Variants in OLFM1 observed in about 807,000 individuals in gnomAD.
OLFM1 encodes olfactomedin 1, also known as noelin.
OLFM1 carries 9 observed loss-of-function variants against 49.7 expected under a neutral mutation model. That is an observed-to-expected ratio of 0.18 (90% CI 0.11 to 0.32). The LOEUF (loss-of-function observed/expected upper bound fraction) is 0.32, where lower values mean the gene tolerates loss of function less well. Among genes scored for constraint, OLFM1 ranks in the 10% least tolerant of loss-of-function variants. OLFM1 has a pLI of 1.00. For missense variants in OLFM1, 369 were observed against 661.8 expected, an observed-to-expected ratio of 0.56 and a Z score of 4.85; for synonymous variants, 240 against 271.8, an observed-to-expected ratio of 0.88 and a Z score of 1.15.
chr9:135,116,503 T>C (rs1831098100), intron 5 of OLFM1, among the ~76,000 whole-genome samples: 1 of 152,160 alleles, frequency 6.6e-6, no homozygotes, highest in Non-Finnish European at 1.5e-5. Flanking sequence ...AAGGAGGCTC[T>C]GGACCCAGGG....
intron 2 of OLFM1, among the ~76,000 whole-genome samples, chr9:135,093,457 C>T (rs905256183): frequency 2.0e-5 from 3 of 152,170 alleles, no homozygotes; most frequent in Non-Finnish European, 4.4e-5. Flanking sequence ...TTATTCATTT[C>T]CCGGGGTTTT....
intron 2 of OLFM1, among the ~76,000 whole-genome samples, chr9:135,094,492 G>A (rs889009566): frequency 6.6e-6 from 1 of 151,998 alleles, no homozygotes; most frequent in Non-Finnish European, 1.5e-5. Context: ...AGTGACAGAG[G>A]AAGACAACAA....
chr9:135,097,897 C>T lies in OLFM1; in HGVS notation c.457-389C>T, dbSNP rs1248857151. 1.3e-5 allele frequency: 20 copies of T among 1,574,778 alleles called. No homozygotes were observed. The Middle Eastern group carries it at 1.1e-3, about 83-fold the overall frequency. On this transcript the variant is annotated intron_variant, in intron 3 of 5. Coordinates refer to ENST00000371793, the MANE Select transcript of OLFM1 (RefSeq NM_001282611.2). ...CACCATGCATTTTTACTATTATTTT[C>T]CAATACTTAGCACCATTTCACTAAG... is the stretch of plus-strand genomic sequence containing the variant.
At chr9:135,097,988 A>G in intron 3 of OLFM1, 2 of 1,425,472 alleles carry the variant, frequency 1.4e-6, no homozygotes, top group Non-Finnish European at 1.8e-6. Flanking sequence ...GAATAGTTTG[A>G]ACCCTTGTCA....
rs1316220622 is a variant in OLFM1 at position 135,088,422 on chromosome 9, G to T, written c.150+283G>T. Among the ~76,000 whole-genome samples, 2 of 152,020 alleles carry T rather than the reference G, an allele frequency of 1.3e-5. No individual in the cohort carries two copies. The highest frequency in any genetic ancestry group is 2.9e-5 in the Non-Finnish European group (2 of 67,980). On this transcript the variant is annotated intron_variant, in intron 1 of 5. Transcript: ENST00000371793. This position sits in a 1 kb window ranked among gnomAD's most constrained non-coding sequence, Gnocchi z 4.8. ...GCCGCGGGGCCGGGGGAGCTTGGTG[G>T]GTTCTCGGAGGCTTGGAGTCCTGGG...
At chr9:135,084,370 C>T (rs187204716), upstream of OLFM1, among the ~76,000 whole-genome samples, 1 of 148,034 alleles carries the variant, frequency 6.8e-6, no homozygotes, top group East Asian at 2.0e-4. The surrounding 1 kb of genome is among the most constrained non-coding windows in gnomAD (Gnocchi z 4.6). Flanking sequence ...CTCTCCGTCT[C>T]TTCTCTCTCT....
chr9:135,104,871 C>T (rs1450475482), intron 4 of OLFM1, among the ~76,000 whole-genome samples: 2 of 152,200 alleles, frequency 1.3e-5, no homozygotes, highest in Non-Finnish European at 2.9e-5. Context: ...TCTCCGCCAG[C>T]GAGTTGCACT....
intron 1 of OLFM1, chr9:135,076,191 G>A: frequency 1.3e-6 from 2 of 1,550,504 alleles, no homozygotes; most frequent in South Asian, 1.2e-5. Flanking sequence ...GAGGTGGCGG[G>A]ACCTTAGTCC....
intron 1 of OLFM1, among the ~76,000 whole-genome samples, chr9:135,089,683 A>T (rs1830653460): frequency 6.6e-6 from 1 of 152,146 alleles, no homozygotes; most frequent in African/African-American, 2.4e-5. Flanking sequence ...AGGCTGCTGG[A>T]TCTGGGGCTG....
chr9:135,087,256 C>T, upstream of OLFM1: 1 of 1,447,478 alleles, frequency 6.9e-7, no homozygotes, highest in Admixed American at 2.4e-5. Flanking sequence ...TGGCTGGGAC[C>T]CTCGAATCAC....
chr9:135,093,911 C>T (rs144481609), intron 2 of OLFM1, among the ~76,000 whole-genome samples: 14 of 152,202 alleles, frequency 9.2e-5, no homozygotes, highest in Admixed American at 4.6e-4. Context: ...TTTAAGGCAG[C>T]TGAATAGCTT....
intron 1 of OLFM1, among the ~76,000 whole-genome samples, chr9:135,081,283 A>G (rs1486856810): frequency 6.6e-6 from 1 of 152,230 alleles, no homozygotes; most frequent in Non-Finnish European, 1.5e-5. Context: ...AGACAGAAAG[A>G]AAATGCAAAG....
intron 4 of OLFM1, among the ~76,000 whole-genome samples, chr9:135,102,482 GC>G (rs575947762): frequency 9.5e-4 from 144 of 152,322 alleles, no homozygotes; most frequent in Middle Eastern, 3.4e-3. Flanking sequence ...ACTGAGTGGG[GC>G]CCGGGCGGCC....
In OLFM1 at chr9:135,098,788, T is replaced by C. The variant is rs1284630720; in HGVS notation, c.676+283T>C. ...CATACCATCTGGCAGATTGTGTGTGTGTGTGTGAATCGTATGTGTGTGTGC... is the reference window on the plus strand; with the variant it reads ...CATACCATCTGGCAGATTGTGTGTGCGTGTGTGAATCGTATGTGTGTGTGC... On this transcript the variant is annotated intron_variant, in intron 4 of 5. Transcript: ENST00000371793. This position sits in a 1 kb window ranked among gnomAD's most constrained non-coding sequence, Gnocchi z 5.6. 2.0e-5 allele frequency among the ~76,000 whole-genome samples: 3 copies of C among 152,214 alleles called. No individual in the cohort carries two copies. Among genetic ancestry groups the C allele is most frequent in the Non-Finnish European group, 4.4e-5 (3 of 68,044 alleles).
chr9:135,088,191 C>A lies in OLFM1; in HGVS notation c.150+52C>A. The A allele has an allele frequency of 8.0e-7, 1 of 1,252,462 alleles. No individual in the cohort carries two copies. Among genetic ancestry groups the A allele is most frequent in the East Asian group, 3.3e-5 (1 of 30,358 alleles). 77.6% of individuals were successfully genotyped at this position (1,252,462 alleles called of 1,614,324 possible). The stretch of plus-strand genomic sequence containing the variant: ...CGCGGCTCCTCCTCCTCCTCCTCCT[C>A]CCCCTCCTCGGTCCGGAGCCCCGGG... On this transcript the variant is annotated intron_variant, in intron 1 of 5. Transcript: ENST00000371793. The surrounding 1 kb of genome is among the most constrained non-coding windows in gnomAD (Gnocchi z 4.8).
At chr9:135,114,362 A>G (rs886472423) in intron 5 of OLFM1, among the ~76,000 whole-genome samples, 7 of 151,676 alleles carry the variant, frequency 4.6e-5, no homozygotes, top group Non-Finnish European at 8.8e-5. Context: ...TGATCCGCCC[A>G]CCTTAGCCTC....
In OLFM1 at chr9:135,087,752, A is replaced by T; in HGVS notation, c.-238A>T. The stretch of plus-strand genomic sequence containing the variant: ...GGCAGGGCGCAGGGCGGGCGGCGCG[A>T]GGCGCAGGGCGCGGCGGGCAGAGGC... On this transcript the variant is annotated 5_prime_UTR_variant, in exon 1 of 6. Coordinates refer to ENST00000371793, the MANE Select transcript of OLFM1 (RefSeq NM_001282611.2). The T allele has an allele frequency of 2.3e-6, 1 of 434,368 alleles. No homozygotes were observed. Among genetic ancestry groups the T allele is most frequent in the Non-Finnish European group, 3.0e-6 (1 of 329,126 alleles). 26.9% of individuals were successfully genotyped at this position (434,368 alleles called of 1,614,324 possible). A position where few individuals can be genotyped will look rare whatever the true frequency, so the allele number is the denominator to read the frequency against.
chr9:135,100,906 T>G (rs183126464), intron 4 of OLFM1, among the ~76,000 whole-genome samples: 236 of 140,588 alleles, frequency 1.7e-3, no homozygotes, highest in African/African-American at 5.8e-3. Context: ...GGATAGGTAG[T>G]TAGATAGATA....
In OLFM1 at chr9:135,088,210, C is replaced by T. The variant is rs1830627837; in HGVS notation, c.150+71C>T. ...CCTCCTCCCCCTCCTCGGTCCGGAG[C>T]CCCGGGCTGGGCGGGCGCCGCGCGG... is the stretch of plus-strand genomic sequence containing the variant. On this transcript the variant is annotated intron_variant, in intron 1 of 5. Transcript: ENST00000371793. The surrounding 1 kb of genome is among the most constrained non-coding windows in gnomAD (Gnocchi z 4.8). 1 of 1,208,094 alleles carries T rather than the reference C, an allele frequency of 8.3e-7. No individual in the cohort carries two copies. The allele number at this position is 1,208,094 out of a possible 1,614,324, so 74.8% of individuals were successfully genotyped here. A position where few individuals can be genotyped will look rare whatever the true frequency, so the allele number is the denominator to read the frequency against.
Sources: gnomAD v4.1 joint callset for allele counts (sites outside exome capture counted in the v4.1 genomes callset) on GRCh38, gnomAD v4.1.1 for gene constraint, Gnocchi (gnomAD v3.1) non-coding constraint, MANE v1.5 for transcripts, NCBI Gene and HGNC (gene_info 2026-07-23, HGNC 2026-07-21) for gene names.